The following DLAT variants were observed in gnomAD, a reference collection of about 807,000 sequenced individuals.
DLAT encodes the protein dihydrolipoamide S-acetyltransferase.
DLAT carries 43 observed loss-of-function variants against 68.0 expected under a neutral mutation model. The ratio of observed to expected loss-of-function variants is 0.63; its 90% confidence interval spans 0.50 to 0.81. The LOEUF is 0.81. Among genes scored for constraint, DLAT ranks in the 40% least tolerant of loss-of-function variants. DLAT has a pLI of 0.00. For synonymous variants in DLAT, 265 were observed against 288.6 expected (o/e 0.92, Z 0.83); for missense variants, 745 against 815.4 (o/e 0.91, Z 1.05).
Position 112,064,133 on chromosome 11 carries a change from C to A in DLAT, c.*1598C>A. ...AAAGAAACAAGCTTATCACAAGGGA[C>A]CATCATCAATATGATCCAAATCTGG... On this transcript the variant is annotated 3_prime_UTR_variant, in exon 14 of 14. Transcript: ENST00000280346. The A allele has an allele frequency of 6.7e-7, 1 of 1,482,960 alleles. No individual in the cohort carries two copies. The highest frequency in any genetic ancestry group is 9.1e-7 in the Non-Finnish European group (1 of 1,101,016). 91.9% of individuals were successfully genotyped at this position (1,482,960 alleles called of 1,614,324 possible).
At chr11:112,039,523 A>T in intron 7 of DLAT, 126 bp downstream of exon 7, 2 of 1,008,734 alleles carry the variant, frequency 2.0e-6, no homozygotes, top group Non-Finnish European at 3.0e-6. Context: ...AATCATTAAT[A>T]ATTCCTTCAG....
chr11:112,033,606 A>G, intron 5 of DLAT, 76 bp downstream of exon 5: 1 of 1,519,564 alleles, frequency 6.6e-7, no homozygotes, highest in Non-Finnish European at 9.1e-7. Flanking sequence ...TCTTTCCTAT[A>G]ATGAGTGAGT....
At position 112,039,265 on chromosome 11, in the gene DLAT, C is replaced by G; in HGVS notation, c.997C>G (p.Pro333Ala). Residue 333 changes from proline to alanine, a missense_variant, in exon 7 of 14, where the codon CCC becomes GCC. Transcript: ENST00000280346. ...AAAGGTGGCCGCTGTTCCTCCAACTCCCCAGCCTTTAGCTCCTACACCTTC... is the reference window on the plus strand; with the variant it reads ...AAAGGTGGCCGCTGTTCCTCCAACTGCCCAGCCTTTAGCTCCTACACCTTC... Reference protein sequence around the residue: ...PPPVAAVPPTPQPLAPTPSAP... With the variant: ...PPPVAAVPPTAQPLAPTPSAP... The G allele has an allele frequency of 6.2e-7, 1 of 1,614,010 alleles. No individual in the cohort carries two copies. The highest frequency in any genetic ancestry group is 8.5e-7 in the Non-Finnish European group (1 of 1,179,974).
intron 1 of DLAT, 46 bp from the exon 2 acceptor site, chr11:112,026,152 T>C (rs1555179223): frequency 1.5e-6 from 2 of 1,365,872 alleles, no homozygotes; most frequent in South Asian, 1.2e-5. Context: ...GACTGAGAGT[T>C]AGGTAGTCCT....
chr11:112,032,896 A>G (rs368319850), intron 4 of DLAT, among the ~76,000 whole-genome samples: 1 of 152,198 alleles, frequency 6.6e-6, no homozygotes, highest in African/African-American at 2.4e-5. Context: ...GTAAAACCCC[A>G]TCTCTACAAA....
At chr11:112,050,984 C>T (rs1425299892) in intron 10 of DLAT, among the ~76,000 whole-genome samples, 10 of 152,190 alleles carry the variant, frequency 6.6e-5, no homozygotes, top group East Asian at 1.9e-4. Flanking sequence ...CCTTTTCTCA[C>T]GATTATACAG....
Position 112,062,397 on chromosome 11 carries a change from T to G in DLAT, c.1815-9T>G. ...TCAGAATATCTAAAATGTCTTTATC[T>G]TTTTCTAGGTTTGATGTGGCTAGCA... On this transcript the variant is annotated splice_polypyrimidine_tract_variant and intron_variant, in intron 13 of 13. Transcript: ENST00000280346. 1 of 1,612,276 alleles carries G rather than the reference T, an allele frequency of 6.2e-7. No individual in the cohort carries two copies. The highest frequency in any genetic ancestry group is 8.5e-7 in the Non-Finnish European group (1 of 1,179,934).
In DLAT at chr11:112,043,478, A is replaced by G. The variant is rs144235197; in HGVS notation, c.1142A>G (p.Asp381Gly). ...ATGTCTCTTACAGGGACAGGACCAG[A>G]TGGTAGAATCACCAAGAAGGATATC... ...DLTQVKGTGP[D>G]GRITKKDIDS... The change falls in exon 8 of 14, where the codon GAT (aspartate) becomes GGT (glycine). Residue 381 changes from aspartate (D) to glycine (G), a missense_variant. Asp to Gly is a moderately conservative substitution (Grantham distance 94). Coordinates refer to ENST00000280346, the MANE Select transcript of DLAT (RefSeq NM_001931.5). 359 of 1,614,142 alleles carry G rather than the reference A, an allele frequency of 2.2e-4. 2 individuals carry two copies. In the African/African-American group the frequency reaches 4.0e-3, roughly 18 times the overall value.
intron 5 of DLAT, among the ~76,000 whole-genome samples, chr11:112,036,120 TAAAC>T (rs1170552583): frequency 1.4e-5 from 2 of 144,870 alleles, no homozygotes; most frequent in Admixed American, 7.1e-5. Context: ...TCTCCAGACT[TAAAC>T]ATATATATAT....
intron 11 of DLAT, among the ~76,000 whole-genome samples, 195 bp from the exon 12 acceptor site, chr11:112,059,708 A>G (rs1469624151): frequency 6.6e-6 from 1 of 152,070 alleles, no homozygotes; most frequent in African/African-American, 2.4e-5. Context: ...TTTGATTTTT[A>G]ATAACTACAA....
intron 4 of DLAT, among the ~76,000 whole-genome samples, chr11:112,031,449 C>T (rs1555179943): frequency 6.6e-6 from 1 of 152,166 alleles, no homozygotes; most frequent in African/African-American, 2.4e-5. Context: ...CAGGGTCTCA[C>T]TCCATCACCT....
At chr11:112,042,318 C>T (rs1555181050) in intron 7 of DLAT, among the ~76,000 whole-genome samples, 1 of 152,200 alleles carries the variant, frequency 6.6e-6, no homozygotes, top group Admixed American at 6.6e-5. Flanking sequence ...GCAGGTGGTA[C>T]TATGGATTTC....
intron 2 of DLAT, among the ~76,000 whole-genome samples, chr11:112,026,637 G>A (rs1290799941): frequency 6.6e-6 from 1 of 152,172 alleles, no homozygotes; most frequent in East Asian, 1.9e-4. Flanking sequence ...GCACAGGGTT[G>A]GGGGTAAGGT....
At position 112,051,360 on chromosome 11, in the gene DLAT, C is replaced by T. The variant is rs782359454; in HGVS notation, c.1514+11C>T. 7 of 1,556,906 alleles carry T rather than the reference C, an allele frequency of 4.5e-6. No homozygotes were observed. The East Asian group carries it at 6.7e-5, about 15-fold the overall frequency. On this transcript the variant is annotated intron_variant, in intron 11 of 13. Transcript: ENST00000280346. The surrounding 1 kb of genome is among the most constrained non-coding windows in gnomAD (Gnocchi z 4.3). ...CACAGTTATAAGACAGTAAGTATAA[C>T]TGGGGAAGATATATATCCATCGGTA... is the stretch of plus-strand genomic sequence containing the variant.
chr11:112,030,038 A>C, intron 4 of DLAT: 1 of 997,068 alleles, frequency 1.0e-6, no homozygotes, highest in Non-Finnish European at 1.6e-6. Flanking sequence ...TTGCCGTGGA[A>C]AGCAGGCCTG....
rs782324198 is a variant in DLAT, at chr11:112,059,943, G to A, written c.1555G>A (p.Ala519Thr). 6.2e-7 allele frequency: 1 copy of A among 1,613,528 alleles called. No homozygotes were observed. Among genetic ancestry groups the A allele is most frequent in the East Asian group, 2.2e-5 (1 of 44,848 alleles). Reference protein sequence around the residue: ...VDVSVAVSTPAGLITPIVFNA... With the variant: ...VDVSVAVSTPTGLITPIVFNA... Reference sequence around the variant, plus strand: ...TGTCAGTGTTGCGGTCAGTACTCCTGCAGGACTCATCACACCTATTGTGTT... The same window carrying A: ...TGTCAGTGTTGCGGTCAGTACTCCTACAGGACTCATCACACCTATTGTGTT... The change falls in exon 12 of 14, where the codon GCA (alanine) becomes ACA (threonine). Residue 519 changes from alanine to threonine, a missense_variant. Transcript: ENST00000280346.
chr11:112,052,671 G>C (rs782665387), intron 11 of DLAT, among the ~76,000 whole-genome samples: 3 of 151,998 alleles, frequency 2.0e-5, no homozygotes, highest in Non-Finnish European at 4.4e-5. Flanking sequence ...CTTGTTGAAG[G>C]GTCTTAATAG....
intron 10 of DLAT, among the ~76,000 whole-genome samples, chr11:112,048,221 T>C (rs1217512224): frequency 6.6e-6 from 1 of 152,226 alleles, no homozygotes; most frequent in African/African-American, 2.4e-5. Context: ...TTCTATTCTT[T>C]TTATAGCAAT....
In DLAT at chr11:112,051,215, G is replaced by C. The variant is rs782588739; in HGVS notation, c.1399-19G>C. On this transcript the variant is annotated intron_variant, in intron 10 of 13. Coordinates refer to ENST00000280346, the MANE Select transcript of DLAT (RefSeq NM_001931.5). The surrounding 1 kb of genome is among the most constrained non-coding windows in gnomAD (Gnocchi z 4.3). ...TAAAATTAAAAAAGAAGAAACTACA[G>C]TTCTTCTTGTCTTTCCAGATATTAG... The C allele has an allele frequency of 2.7e-6, 4 of 1,484,404 alleles. No homozygotes were observed. Among genetic ancestry groups the C allele is most frequent in the Non-Finnish European group, 2.8e-6 (3 of 1,069,282 alleles). 92.0% of individuals were successfully genotyped at this position (1,484,404 alleles called of 1,614,324 possible).
Sources: gnomAD v4.1 joint callset for allele counts (sites outside exome capture counted in the v4.1 genomes callset) on GRCh38, gnomAD v4.1.1 for gene constraint, Gnocchi (gnomAD v3.1) non-coding constraint, MANE v1.5 for transcripts, NCBI Gene and HGNC (gene_info 2026-07-23, HGNC 2026-07-21) for gene names.